The following PRKG1 variants were observed in gnomAD, a reference collection of about 807,000 sequenced individuals.
PRKG1 encodes the protein cGMP-dependent protein kinase 1.
Under a neutral mutation model 88.1 loss-of-function variants are expected in PRKG1, and 35 were observed. That is an observed-to-expected ratio of 0.40 (90% CI 0.30 to 0.53). PRKG1 has a LOEUF of 0.53. PRKG1 is among the 20% of genes least tolerant of loss of function. The probability of loss-of-function intolerance (pLI) is 0.59; values close to 1 mark genes in which losing one functional copy is unlikely to be tolerated. For missense variants in PRKG1, 540 were observed against 839.8 expected (o/e 0.64, Z 4.41); for synonymous variants, 303 against 292.5 (o/e 1.04, Z -0.37).
At chr10:51,676,791 C>T (rs990008616) in intron 3 of PRKG1, among the ~76,000 whole-genome samples, 1 of 152,106 alleles carries the variant, frequency 6.6e-6, no homozygotes, top group Non-Finnish European at 1.5e-5. Flanking sequence ...TAGCGGGTGT[C>T]TCATTAATCT....
At chr10:51,503,147 T>C (rs1841082106) in intron 3 of PRKG1, among the ~76,000 whole-genome samples, 1 of 152,194 alleles carries the variant, frequency 6.6e-6, no homozygotes, top group African/African-American at 2.4e-5. Flanking sequence ...TACCAAGTCC[T>C]GTAATATGCT....
In PRKG1 at chr10:50,991,033, G is replaced by C. The variant is rs1040147134; in HGVS notation, c.-346G>C. The stretch of plus-strand genomic sequence containing the variant: ...CACGGAGTGACTAGGAGAGGGGGAC[G>C]AGGGAGGGGGTCTCAGGGGAGGAAG... On this transcript the variant is annotated 5_prime_UTR_variant, in exon 1 of 18. Coordinates refer to the PRKG1 transcript ENST00000401604. The surrounding 1 kb of genome is among the most constrained non-coding windows in gnomAD (Gnocchi z 4.5). 6 of 227,524 alleles carry C rather than the reference G, an allele frequency of 2.6e-5. No individual in the cohort carries two copies. The highest frequency in any genetic ancestry group is 9.4e-5 in the African/African-American group (4 of 42,420). 14.1% of individuals were successfully genotyped at this position (227,524 alleles called of 1,614,324 possible).
chr10:51,773,299 C>T (rs535610044), intron 3 of PRKG1, among the ~76,000 whole-genome samples: 1 of 152,066 alleles, frequency 6.6e-6, no homozygotes, highest in South Asian at 2.1e-4. Context: ...CTCACAAAAT[C>T]AATATATAAT....
At chr10:52,226,538 A>G (rs1158778072) in intron 9 of PRKG1, among the ~76,000 whole-genome samples, 7 of 152,122 alleles carry the variant, frequency 4.6e-5, no homozygotes, top group Non-Finnish European at 1.0e-4. Flanking sequence ...GTTTTAGTCA[A>G]TTAAAATCGT....
intron 2 of PRKG1, among the ~76,000 whole-genome samples, chr10:51,211,697 G>C (rs1021653239): frequency 8.5e-5 from 13 of 152,152 alleles, no homozygotes; most frequent in African/African-American, 3.1e-4. Context: ...GCCAAATCAT[G>C]AGTGAGCTCC....
chr10:51,307,086 G>T (rs541467791), intron 2 of PRKG1, among the ~76,000 whole-genome samples: 119 of 152,078 alleles, frequency 7.8e-4, no homozygotes, highest in African/African-American at 2.6e-3. Context: ...CAAACTTGCA[G>T]TTTGTATAAG....
intron 2 of PRKG1, among the ~76,000 whole-genome samples, chr10:51,247,531 C>T (rs1839322111): frequency 6.6e-6 from 1 of 151,854 alleles, no homozygotes; most frequent in Non-Finnish European, 1.5e-5. Context: ...GCAAAATTTA[C>T]ACCCTTAACA....
intron 5 of PRKG1, among the ~76,000 whole-genome samples, chr10:51,966,607 G>A (rs968693212): frequency 6.6e-6 from 1 of 152,128 alleles, no homozygotes; most frequent in African/African-American, 2.4e-5. Context: ...CTTTGCTTAT[G>A]CTATGGCTGT....
intron 2 of PRKG1, among the ~76,000 whole-genome samples, chr10:51,414,305 G>A (rs995021556): frequency 3.9e-5 from 6 of 152,182 alleles, no homozygotes; most frequent in African/African-American, 1.2e-4. Context: ...CAAACAGGAC[G>A]GTGCTAGAAG....
At chr10:51,891,238 A>G (rs1327318864) in intron 4 of PRKG1, among the ~76,000 whole-genome samples, 1 of 152,190 alleles carries the variant, frequency 6.6e-6, no homozygotes, top group Non-Finnish European at 1.5e-5. Context: ...CACCCAAGCC[A>G]GGGTGACAGG....
At chr10:52,138,167 C>CA (rs1469217798) in intron 8 of PRKG1, among the ~76,000 whole-genome samples, 2 of 151,890 alleles carry the variant, frequency 1.3e-5, no homozygotes, top group Non-Finnish European at 2.9e-5. Flanking sequence ...ATGTCTCTCC[C>CA]ACTCCTCTTC....
intron 3 of PRKG1, among the ~76,000 whole-genome samples, chr10:51,701,307 T>C (rs184333578): frequency 1.7e-3 from 261 of 152,292 alleles, no homozygotes; most frequent in African/African-American, 4.6e-3. Context: ...AGCAAAAAAA[T>C]TGTATTATGT....
At chr10:51,843,533 C>G (rs1840331027) in intron 4 of PRKG1, among the ~76,000 whole-genome samples, 1 of 152,170 alleles carries the variant, frequency 6.6e-6, no homozygotes, top group African/African-American at 2.4e-5. Context: ...AAAGGCAGGT[C>G]AAGTCTTAAA....
At chr10:51,918,433 C>T (rs772772238) in intron 5 of PRKG1, among the ~76,000 whole-genome samples, 15 of 151,754 alleles carry the variant, frequency 9.9e-5, no homozygotes, top group African/African-American at 1.7e-4. Context: ...TTCCACGAGA[C>T]CCGAAACAAA....
At chr10:52,081,905 T>C (rs1285704827) in intron 7 of PRKG1, among the ~76,000 whole-genome samples, 3 of 152,144 alleles carry the variant, frequency 2.0e-5, no homozygotes, top group Non-Finnish European at 4.4e-5. Flanking sequence ...CTACTTGATA[T>C]TGTGGATAAA....
chr10:51,657,154 C>T (rs866949583), intron 3 of PRKG1, among the ~76,000 whole-genome samples: 2 of 152,104 alleles, frequency 1.3e-5, no homozygotes, highest in Admixed American at 6.6e-5. Context: ...AAGCTTTGCT[C>T]ATGTTGTTTC....
chr10:51,082,745 G>A lies in PRKG1; in HGVS notation c.311+7844G>A, dbSNP rs55662653. Among the ~76,000 whole-genome samples, 607 of 151,848 alleles carry A rather than the reference G, an allele frequency of 4.0e-3. 4 individuals are homozygous for A. The highest frequency in any genetic ancestry group is 0.014 in the African/African-American group (587 of 41,348). ...GATTTTTTTTTTTGCCAAATTGTACGTGTAGACAAATTGTACGTGTAGTTT... is the reference window on the plus strand; with the variant it reads ...GATTTTTTTTTTTGCCAAATTGTACATGTAGACAAATTGTACGTGTAGTTT... On this transcript the variant is annotated intron_variant, in intron 1 of 17. Transcript: ENST00000373980.
chr10:51,343,277 G>A (rs915245160), intron 2 of PRKG1, among the ~76,000 whole-genome samples: 1 of 152,050 alleles, frequency 6.6e-6, no homozygotes, highest in African/African-American at 2.4e-5. Context: ...AAGCTCTGGG[G>A]AGAGATAATT....
At chr10:52,023,093 T>G (rs1163682369) in intron 5 of PRKG1, among the ~76,000 whole-genome samples, 1 of 152,122 alleles carries the variant, frequency 6.6e-6, no homozygotes, top group Non-Finnish European at 1.5e-5. Context: ...CAGGTCCTGG[T>G]GTGTGATGTT....
Sources: allele counts gnomAD v4.1 joint callset (sites outside exome capture counted in the v4.1 genomes callset), GRCh38; gene constraint gnomAD v4.1.1; non-coding constraint Gnocchi (gnomAD v3.1); transcripts MANE v1.5; gene names NCBI Gene and HGNC (gene_info 2026-07-23, HGNC 2026-07-21).